The following VWA3A variants were observed in gnomAD, a reference collection of about 807,000 sequenced individuals.
VWA3A encodes the protein von Willebrand factor A domain containing 3A, also known as von Willebrand factor A domain-containing protein 3A.
In VWA3A, 134 loss-of-function variants were observed where a neutral mutation model predicts 160.4. The observed-to-expected ratio is 0.84, with a 90% confidence interval of 0.73 to 0.96. The LOEUF (loss-of-function observed/expected upper bound fraction) is 0.96, where lower values mean the gene tolerates loss of function less well. Among genes scored for constraint, VWA3A ranks in the 40% least tolerant of loss-of-function variants. VWA3A has a pLI of 0.00. For missense variants in VWA3A, 1,310 were observed against 1,447.9 expected, an observed-to-expected ratio of 0.90 and a Z score of 1.55; for synonymous variants, 476 against 543.4, an observed-to-expected ratio of 0.88 and a Z score of 1.72.
At chr16:22,095,113 C>T (rs1330313066) in intron 1 of VWA3A, among the ~76,000 whole-genome samples, 1 of 152,020 alleles carries the variant, frequency 6.6e-6, no homozygotes, top group East Asian at 1.9e-4. Context: ...TTAAAAAATC[C>T]CTCTAATGAA....
chr16:22,118,395 A>G (rs2045679771), intron 11 of VWA3A, among the ~76,000 whole-genome samples: 1 of 152,198 alleles, frequency 6.6e-6, no homozygotes, highest in Admixed American at 6.5e-5. Flanking sequence ...TTTAAAACAC[A>G]GCAGGTCAGG....
chr16:22,099,331 G>A (rs950076318), intron 3 of VWA3A, among the ~76,000 whole-genome samples: 4 of 152,196 alleles, frequency 2.6e-5, no homozygotes, highest in African/African-American at 9.6e-5. Flanking sequence ...CATGGAGGTG[G>A]TCACAGTTTG....
chr16:22,114,900 G>A (rs1227302284), intron 8 of VWA3A, among the ~76,000 whole-genome samples: 1 of 151,926 alleles, frequency 6.6e-6, no homozygotes, highest in Non-Finnish European at 1.5e-5. Flanking sequence ...TCCGCCTCTG[G>A]AGTTCAAGCA....
Position 22,103,514 on chromosome 16 carries a change from A to G in VWA3A, c.468A>G (p.Thr156=), listed in dbSNP as rs1339314187. The change falls in exon 6 of 34, where the codon ACA becomes ACG. Residue 156 remains threonine (T), a synonymous_variant. Coordinates refer to ENST00000389398, the MANE Select transcript of VWA3A (RefSeq NM_173615.5). ...ATCAAGAGAGAATTCAGTGGCTCAC[A>G]GAAAACAGCAAGAAGGTAACGGGCA... is the stretch of plus-strand genomic sequence containing the variant. The part of the protein sequence containing the change: ...EVYQERIQWL[T]ENSKKAFGLI... 12 of 1,551,784 alleles carry G rather than the reference A, an allele frequency of 7.7e-6. No individual in the cohort carries two copies. The African/African-American group carries it at 8.2e-5, about 11-fold the overall frequency.
rs748358606 is a variant in VWA3A, at chr16:22,124,579, A to T, written c.1532+872A>T. ...TTATTATTATTATTATTATTATTAG[A>T]GACAGAGTCTTGCTATGTTGCCCAG... On this transcript the variant is annotated intron_variant, in intron 16 of 33. Transcript: ENST00000389398. Among the ~76,000 whole-genome samples, 709 of 142,558 alleles carry T rather than the reference A, an allele frequency of 5.0e-3. 7 individuals carry two copies. Among genetic ancestry groups the T allele is most frequent in the Non-Finnish European group, 7.7e-3 (498 of 64,758 alleles). The allele number at this position is 142,558 out of a possible 152,430, so 93.5% of individuals were successfully genotyped here. A position where few individuals can be genotyped will look rare whatever the true frequency, so the allele number is the denominator to read the frequency against.
At chr16:22,154,292 C>T (rs1300017169) in intron 31 of VWA3A, among the ~76,000 whole-genome samples, 1 of 149,470 alleles carries the variant, frequency 6.7e-6, no homozygotes, top group East Asian at 2.0e-4. Flanking sequence ...TACTGCCAGG[C>T]AGAAGGGATG....
chr16:22,136,054 G>A (rs527268099), intron 21 of VWA3A, among the ~76,000 whole-genome samples: 1 of 152,270 alleles, frequency 6.6e-6, no homozygotes, highest in South Asian at 2.1e-4. Context: ...GCCTCCCAAA[G>A]TGCTGGGATC....
chr16:22,136,877 ACACACACACACACACACG>A (rs1443078413), intron 21 of VWA3A, among the ~76,000 whole-genome samples: 1 of 109,826 alleles, frequency 9.1e-6, no homozygotes, highest in Non-Finnish European at 1.7e-5. Context: ...CTAAAAATAC[ACACACACACACACACACG>A]CACACACACA....
At chr16:22,109,848 C>T (rs1018102259) in intron 7 of VWA3A, among the ~76,000 whole-genome samples, 1 of 152,258 alleles carries the variant, frequency 6.6e-6, no homozygotes, top group South Asian at 2.1e-4. Flanking sequence ...AGAGCTCCCA[C>T]GTTTCCCTGG....
chr16:22,115,747 G>C (rs2045620065), intron 9 of VWA3A, among the ~76,000 whole-genome samples: 1 of 150,692 alleles, frequency 6.6e-6, no homozygotes, highest in African/African-American at 2.4e-5. Context: ...TGAGGCAGGA[G>C]GATTGATTAA....
intron 6 of VWA3A, among the ~76,000 whole-genome samples, chr16:22,106,582 G>A (rs59531711): frequency 0.079 from 11,953 of 152,112 alleles, 613 homozygotes; most frequent in South Asian, 0.17. Context: ...AGCAGCACAT[G>A]GGCCAGTGCA....
In VWA3A at chr16:22,152,638, G is replaced by A. The variant is rs1437234351; in HGVS notation, c.3405+4G>A. 1 of 1,599,920 alleles carries A rather than the reference G, an allele frequency of 6.3e-7. No homozygotes were observed. The highest frequency in any genetic ancestry group is 1.7e-5 in the Admixed American group (1 of 57,642). On this transcript the variant is annotated splice_donor_region_variant and intron_variant, in intron 31 of 33. Transcript: ENST00000389398. ...CAAAGGCTTCATCAATGAAAAGGTA[G>A]GTTGCAGAGCCACTGAGCATGAGGT...
rs755379411 is a variant in VWA3A at position 22,146,282 on chromosome 16, A to C, written c.2777A>C (p.Tyr926Ser). The change falls in exon 27 of 34, where the codon TAC becomes TCC. Residue 926 changes from tyrosine (Y) to serine (S), a missense_variant. By Grantham distance (144) the Tyr-to-Ser change is moderately radical. Coordinates refer to ENST00000389398, the MANE Select transcript of VWA3A (RefSeq NM_173615.5). ...IQWTPREMEV[Y>S]IRHLEKVLRR... Reference sequence around the variant, plus strand: ...TGGACGCCCAGGGAGATGGAGGTGTACATCAGGCACTTGGAGAAGGTGTTA... The same window carrying C: ...TGGACGCCCAGGGAGATGGAGGTGTCCATCAGGCACTTGGAGAAGGTGTTA... 1 of 1,613,748 alleles carries C rather than the reference A, an allele frequency of 6.2e-7. No homozygotes were observed. The highest frequency in any genetic ancestry group is 8.5e-7 in the Non-Finnish European group (1 of 1,179,740).
intron 1 of VWA3A, among the ~76,000 whole-genome samples, chr16:22,094,080 T>C (rs762322390): frequency 3.9e-5 from 6 of 152,112 alleles, no homozygotes; most frequent in Non-Finnish European, 8.8e-5. Context: ...GGCCCCGTGC[T>C]TTTTCTGGAG....
rs2045481998 is a variant in VWA3A at position 22,106,289 on chromosome 16, G to A, written c.483+2760G>A. Among the ~76,000 whole-genome samples the A allele has an allele frequency of 2.0e-5, 3 of 152,128 alleles. No individual in the cohort carries two copies. The South Asian group carries it at 6.2e-4, about 32-fold the overall frequency. ...AATCCCAGCTACTAGAGAGGCTGAA[G>A]CAGAAGAATTGCTTGAACCCAGGAG... On this transcript the variant is annotated intron_variant, in intron 6 of 33. Transcript: ENST00000389398.
chr16:22,146,361 C>A lies in VWA3A; in HGVS notation c.2839+17C>A, dbSNP rs199824612. On this transcript the variant is annotated intron_variant, in intron 27 of 33. Transcript: ENST00000389398. ...TGCTGTCCGGTGAGCCTGCCCACTG[C>A]CCTGAAGGGTGGAGGAGCATGAGGG... is the stretch of plus-strand genomic sequence containing the variant. 8.1e-6 allele frequency: 13 copies of A among 1,606,408 alleles called. No individual in the cohort carries two copies. The highest frequency in any genetic ancestry group is 1.1e-5 in the Non-Finnish European group (13 of 1,174,808).
chr16:22,121,253 C>G, intron 13 of VWA3A, 150 bp downstream of exon 13: 1 of 1,182,020 alleles, frequency 8.5e-7, no homozygotes, highest in South Asian at 1.5e-5. Context: ...TGAGACCAAC[C>G]TAGGCAACAT....
At chr16:22,109,311 C>G (rs2045521914) in intron 6 of VWA3A, among the ~76,000 whole-genome samples, 171 bp from the exon 7 acceptor site, 2 of 152,324 alleles carry the variant, frequency 1.3e-5, no homozygotes, top group South Asian at 4.1e-4. Flanking sequence ...ATGCCCAGAG[C>G]TGAAGTCATG....
intron 24 of VWA3A, 148 bp from the exon 25 acceptor site, chr16:22,142,520 A>T (rs1312424386): frequency 1.7e-6 from 1 of 593,274 alleles, no homozygotes; most frequent in East Asian, 2.9e-5. Context: ...CACCAGAGAG[A>T]GCATTGATCT....
Sources: allele counts gnomAD v4.1 joint callset (sites outside exome capture counted in the v4.1 genomes callset), GRCh38; gene constraint gnomAD v4.1.1; transcripts MANE v1.5; gene names NCBI Gene and HGNC (gene_info 2026-07-23, HGNC 2026-07-21).